The following CRIM1 variants were observed in gnomAD, a reference collection of about 807,000 sequenced individuals.
The protein encoded by CRIM1 is cysteine rich transmembrane BMP regulator 1, also known as cysteine-rich motor neuron 1 protein.
A neutral mutation model predicts 116.4 loss-of-function variants in CRIM1; 32 were observed. The ratio of observed to expected loss-of-function variants is 0.27; its 90% CI spans 0.21 to 0.37. CRIM1 has a LOEUF of 0.37. Ranked by LOEUF, CRIM1 falls within the 10% of genes least tolerant of loss-of-function variation. The pLI is 1.00. For missense variants in CRIM1, 1,331 were observed against 1,354.8 expected, an observed-to-expected ratio of 0.98 and a Z score of 0.28; for synonymous variants, 590 against 509.2, an observed-to-expected ratio of 1.16 and a Z score of -2.13.
intron 8 of CRIM1, among the ~76,000 whole-genome samples, chr2:36,505,358 G>C (rs1302368917): frequency 6.6e-6 from 1 of 150,900 alleles, no homozygotes; most frequent in Non-Finnish European, 1.5e-5. Flanking sequence ...ATATAAACAA[G>C]AGTTAAGTTC....
At chr2:36,369,551 G>C (rs1210341795) in intron 1 of CRIM1, among the ~76,000 whole-genome samples, 1 of 152,142 alleles carries the variant, frequency 6.6e-6, no homozygotes. Context: ...CTGTAAAAAT[G>C]TTTGCAGGGG....
intron 4 of CRIM1, among the ~76,000 whole-genome samples, chr2:36,451,201 A>G (rs1572761302): frequency 6.6e-6 from 1 of 152,238 alleles, no homozygotes; most frequent in African/African-American, 2.4e-5. Flanking sequence ...AATGTGGCAC[A>G]TGCTTTAAAG....
chr2:36,384,205 A>G (rs1001300975), intron 1 of CRIM1, among the ~76,000 whole-genome samples: 12 of 152,254 alleles, frequency 7.9e-5, no homozygotes, highest in African/African-American at 2.9e-4. Flanking sequence ...CACCTGGAGT[A>G]GGATGTTCCA....
At chr2:36,525,703 C>G (rs902283213) in intron 13 of CRIM1, among the ~76,000 whole-genome samples, 1 of 152,270 alleles carries the variant, frequency 6.6e-6, no homozygotes, top group Middle Eastern at 3.4e-3. Context: ...GCCCACAGTG[C>G]TGACCTCACC....
At chr2:36,461,977 G>T (rs1677615381) in intron 4 of CRIM1, among the ~76,000 whole-genome samples, 1 of 152,198 alleles carries the variant, frequency 6.6e-6, no homozygotes, top group African/African-American at 2.4e-5. Flanking sequence ...AGGGGAAGCT[G>T]TGAAAAGTCA....
At chr2:36,540,268 C>T (rs1328076091) in intron 14 of CRIM1, among the ~76,000 whole-genome samples, 1 of 152,120 alleles carries the variant, frequency 6.6e-6, no homozygotes, top group Non-Finnish European at 1.5e-5. Context: ...AAAGTCTAAT[C>T]AGAGTGATTT....
rs968268660 is a variant in CRIM1, at chr2:36,477,081, G to C, written c.1174+10G>C. The C allele has an allele frequency of 6.9e-6, 11 of 1,596,966 alleles. No homozygotes were observed. Among genetic ancestry groups the C allele is most frequent in the Non-Finnish European group, 9.4e-6 (11 of 1,171,968 alleles). On this transcript the variant is annotated intron_variant, in intron 6 of 16. Transcript: ENST00000280527. ...TGCCCAGTGTGTGAAGGTAAGAAAA[G>C]GTGCTAATTACAGATTAACAGGAGC...
chr2:36,462,247 A>T (rs554876288), intron 4 of CRIM1, among the ~76,000 whole-genome samples: 49 of 152,346 alleles, frequency 3.2e-4, no homozygotes, highest in Middle Eastern at 6.8e-3. Context: ...GGAAGACGTA[A>T]TGCATATAAT....
At chr2:36,505,055 G>A (rs1024588896) in intron 8 of CRIM1, among the ~76,000 whole-genome samples, 5 of 152,170 alleles carry the variant, frequency 3.3e-5, no homozygotes, top group Non-Finnish European at 7.4e-5. Context: ...TCACAAGAAG[G>A]TTGCAGCATC....
chr2:36,397,433 A>G (rs1672106804), intron 2 of CRIM1, among the ~76,000 whole-genome samples: 1 of 152,198 alleles, frequency 6.6e-6, no homozygotes, highest in African/African-American at 2.4e-5. Flanking sequence ...TCTTGAGTGA[A>G]GTACCCAGAG....
At chr2:36,511,129 A>G (rs1664644968) in intron 9 of CRIM1, among the ~76,000 whole-genome samples, 1 of 151,738 alleles carries the variant, frequency 6.6e-6, no homozygotes, top group African/African-American at 2.4e-5. Context: ...TTTTGGAGAG[A>G]TGGGGTTTCA....
intron 1 of CRIM1, among the ~76,000 whole-genome samples, chr2:36,395,636 G>A (rs1045962312): frequency 5.9e-5 from 9 of 152,046 alleles, no homozygotes; most frequent in Non-Finnish European, 1.2e-4. Flanking sequence ...TTTTAAAATC[G>A]ACCTTATTTA....
At chr2:36,376,374 G>A (rs1302238333) in intron 1 of CRIM1, among the ~76,000 whole-genome samples, 1 of 152,200 alleles carries the variant, frequency 6.6e-6, no homozygotes, top group African/African-American at 2.4e-5. Flanking sequence ...TAAGCTGCAG[G>A]TTGAGGAGAA....
intron 5 of CRIM1, among the ~76,000 whole-genome samples, chr2:36,472,741 A>G (rs993972799): frequency 1.3e-5 from 2 of 152,092 alleles, no homozygotes; most frequent in Admixed American, 6.5e-5. Flanking sequence ...ATGGATGTTC[A>G]TTTTGTTAGA....
intron 2 of CRIM1, among the ~76,000 whole-genome samples, chr2:36,419,108 C>T (rs895327802): frequency 6.6e-6 from 1 of 152,170 alleles, no homozygotes; most frequent in Non-Finnish European, 1.5e-5. Flanking sequence ...AAGAAAGTTT[C>T]CAGCAATTGG....
intron 7 of CRIM1, among the ~76,000 whole-genome samples, chr2:36,491,599 C>G (rs1333312338): frequency 3.3e-5 from 5 of 152,090 alleles, no homozygotes; most frequent in Non-Finnish European, 5.9e-5. Flanking sequence ...CTTTCGTTTT[C>G]CCGTTTTGTT....
intron 13 of CRIM1, among the ~76,000 whole-genome samples, chr2:36,535,116 G>A (rs979115654): frequency 7.8e-6 from 1 of 128,626 alleles, no homozygotes; most frequent in Non-Finnish European, 1.6e-5. Context: ...AGGGAAGGAG[G>A]GAGGGAGGGA....
chr2:36,534,750 A>G (rs906758860), intron 13 of CRIM1, among the ~76,000 whole-genome samples: 4 of 148,152 alleles, frequency 2.7e-5, no homozygotes, highest in Admixed American at 6.7e-5. Flanking sequence ...GGAAGGAAAG[A>G]AAAAAAAAAG....
chr2:36,454,541 C>A (rs1676987758), intron 4 of CRIM1, among the ~76,000 whole-genome samples: 1 of 152,306 alleles, frequency 6.6e-6, no homozygotes, highest in South Asian at 2.1e-4. Context: ...TCTAGCTGCT[C>A]TTAACAGCTT....
Sources: allele counts gnomAD v4.1 joint callset (sites outside exome capture counted in the v4.1 genomes callset), GRCh38; gene constraint gnomAD v4.1.1; transcripts MANE v1.5; gene names NCBI Gene and HGNC (gene_info 2026-07-23, HGNC 2026-07-21).